DTNA: variants seen among roughly 807,000 people sequenced by gnomAD.
DTNA encodes the protein dystrobrevin alpha.
Under a neutral mutation model 100.7 loss-of-function variants are expected in DTNA, and 43 were observed. The ratio of observed to expected loss-of-function variants is 0.43; its 90% confidence interval spans 0.33 to 0.55. The LOEUF is 0.55. DTNA is among the 20% of genes least tolerant of loss of function. The pLI, the probability that DTNA is intolerant of heterozygous loss-of-function variation, is 0.04. For missense variants in DTNA, 798 were observed against 953.9 expected (o/e 0.84, Z 2.15); for synonymous variants, 349 against 347.9 (o/e 1.00, Z -0.04).
chr18:34,785,438 A>C (rs980228119), intron 3 of DTNA, among the ~76,000 whole-genome samples: 1 of 152,176 alleles, frequency 6.6e-6, no homozygotes, highest in African/African-American at 2.4e-5. Context: ...TATGAGAGTA[A>C]ATTTTAATGC....
At chr18:34,622,529 C>A (rs1296879113) in intron 1 of DTNA, among the ~76,000 whole-genome samples, 3 of 152,136 alleles carry the variant, frequency 2.0e-5, no homozygotes, top group Non-Finnish European at 2.9e-5. Context: ...GAAGGTGTTT[C>A]CGGAGAAGAT....
At chr18:34,740,058 A>G (rs182306981) in intron 1 of DTNA, among the ~76,000 whole-genome samples, 2 of 152,302 alleles carry the variant, frequency 1.3e-5, no homozygotes, top group East Asian at 3.9e-4. Flanking sequence ...TGATTCCTAC[A>G]CTGTGGGAGT....
chr18:34,726,108 G>T (rs908878886), intron 1 of DTNA, among the ~76,000 whole-genome samples: 1 of 152,114 alleles, frequency 6.6e-6, no homozygotes, highest in Admixed American at 6.5e-5. Flanking sequence ...GGAGTGGGGG[G>T]CTGGAGGAGG....
chr18:34,586,818 T>G (rs1038077631), intron 1 of DTNA, among the ~76,000 whole-genome samples: 1 of 152,174 alleles, frequency 6.6e-6, no homozygotes, highest in Middle Eastern at 3.2e-3. Context: ...ATAGAGGTGG[T>G]CCTCTGTCCC....
At chr18:34,513,978 A>C (rs537756430) in intron 1 of DTNA, 1 of 152,164 alleles carries the variant, frequency 6.6e-6, no homozygotes, top group Non-Finnish European at 1.5e-5. Context: ...CTGACAAGAT[A>C]GATTTCCCTA....
At chr18:34,687,108 A>AT (rs2079013796) in intron 1 of DTNA, among the ~76,000 whole-genome samples, 2 of 152,050 alleles carry the variant, frequency 1.3e-5, no homozygotes, top group African/African-American at 4.8e-5. Context: ...GGATTCGTTG[A>AT]TTTTTTGAAG....
intron 5 of DTNA, 57 bp downstream of exon 5, chr18:34,806,361 T>A: frequency 6.9e-7 from 1 of 1,439,332 alleles, no homozygotes; most frequent in Non-Finnish European, 9.8e-7. Context: ...ACCACCCTTT[T>A]CTCTCCCTCA....
intron 1 of DTNA, among the ~76,000 whole-genome samples, chr18:34,638,010 G>C (rs1253873715): frequency 1.3e-5 from 2 of 152,188 alleles, no homozygotes; most frequent in Non-Finnish European, 2.9e-5. Context: ...TTGTCAGATA[G>C]GTCCCAGGCA....
At position 34,744,395 on chromosome 18, in the gene DTNA, A is replaced by G. The variant is rs150020044; in HGVS notation, c.-1-11581A>G. On this transcript the variant is annotated intron_variant, in intron 1 of 22. Transcript: ENST00000444659. ...GGATTCACACATCATGGATATCATGATTGTTAGGAACTCTATTGGTATTTC... is the reference window on the plus strand; with the variant it reads ...GGATTCACACATCATGGATATCATGGTTGTTAGGAACTCTATTGGTATTTC... Among the ~76,000 whole-genome samples the G allele has an allele frequency of 3.0e-4, 45 of 152,238 alleles. No individual in the cohort carries two copies. In the East Asian group the frequency reaches 8.1e-3, roughly 28 times the overall value.
At chr18:34,630,902 T>C (rs974353194) in intron 1 of DTNA, among the ~76,000 whole-genome samples, 34 of 152,036 alleles carry the variant, frequency 2.2e-4, no homozygotes, top group African/African-American at 2.4e-5. Flanking sequence ...ATAAATGTTA[T>C]TGAAGTTAAG....
At chr18:34,554,832 T>A (rs2045854027) in intron 1 of DTNA, among the ~76,000 whole-genome samples, 1 of 150,650 alleles carries the variant, frequency 6.6e-6, no homozygotes. Flanking sequence ...TGGTCTAAAA[T>A]TCTCTTTTTT....
Position 34,748,579 on chromosome 18 carries a change from T to C in DTNA, c.-1-7397T>C, listed in dbSNP as rs1044159264. On this transcript the variant is annotated intron_variant, in intron 1 of 22. Transcript: ENST00000444659. ...TAAATAGAGTGTCCTTTCCCTAATTTATGTTTTGTATGCTTTGTTGAAGAT... is the reference window on the plus strand; with the variant it reads ...TAAATAGAGTGTCCTTTCCCTAATTCATGTTTTGTATGCTTTGTTGAAGAT... Among the ~76,000 whole-genome samples the C allele has an allele frequency of 6.6e-5, 10 of 152,276 alleles. No homozygotes were observed. In the South Asian group the frequency reaches 2.1e-3, roughly 32 times the overall value.
intron 1 of DTNA, among the ~76,000 whole-genome samples, chr18:34,621,920 A>G (rs2056575445): frequency 6.6e-6 from 1 of 152,204 alleles, no homozygotes; most frequent in African/African-American, 2.4e-5. Flanking sequence ...CATTGTACAT[A>G]GTATACGATT....
At chr18:34,661,391 A>T (rs77436466) in intron 1 of DTNA, among the ~76,000 whole-genome samples, 8,255 of 152,232 alleles carry the variant, frequency 0.054, 288 homozygotes, top group Non-Finnish European at 0.075. Flanking sequence ...GCCTTCTGTT[A>T]GAGTACAAGT....
intron 1 of DTNA, among the ~76,000 whole-genome samples, chr18:34,568,240 C>CATT (rs1461509646): frequency 1.3e-5 from 2 of 152,010 alleles, no homozygotes; most frequent in Admixed American, 6.6e-5. Flanking sequence ...TAACTCAGCA[C>CATT]AATGTAGCCT....
chr18:34,677,112 T>A (rs1275974794), intron 1 of DTNA, among the ~76,000 whole-genome samples: 1 of 152,174 alleles, frequency 6.6e-6, no homozygotes, highest in Non-Finnish European at 1.5e-5. Flanking sequence ...AACTAACTTC[T>A]TTTAATCACT....
chr18:34,824,209 C>G (rs1274363411), intron 9 of DTNA, among the ~76,000 whole-genome samples: 1 of 152,218 alleles, frequency 6.6e-6, no homozygotes, highest in African/African-American at 2.4e-5. Flanking sequence ...GGCACAGTGG[C>G]TCACGCCTGT....
chr18:34,703,970 A>G (rs1274487630), intron 1 of DTNA, among the ~76,000 whole-genome samples: 1 of 152,088 alleles, frequency 6.6e-6, no homozygotes, highest in African/African-American at 2.4e-5. Flanking sequence ...TTTCCCCCAA[A>G]TCACCTTATA....
intron 3 of DTNA, among the ~76,000 whole-genome samples, chr18:34,779,620 C>T (rs1335085305): frequency 2.0e-5 from 3 of 152,138 alleles, no homozygotes; most frequent in Non-Finnish European, 4.4e-5. Flanking sequence ...ATCTAAAAGC[C>T]TGAATTGTCC....
Sources: gnomAD v4.1 joint callset for allele counts (sites outside exome capture counted in the v4.1 genomes callset) on GRCh38, gnomAD v4.1.1 for gene constraint, MANE v1.5 for transcripts, NCBI Gene and HGNC (gene_info 2026-07-23, HGNC 2026-07-21) for gene names.